SH3PXD2A: variants seen among roughly 807,000 people sequenced by gnomAD.
SH3PXD2A encodes SH3 and PX domain-containing protein 2A.
SH3PXD2A carries 32 observed loss-of-function variants against 115.2 expected under a neutral mutation model. That is an observed-to-expected ratio of 0.28 (90% CI 0.21 to 0.37). The LOEUF is 0.37. SH3PXD2A is among the 10% of genes least tolerant of loss of function. The pLI is 1.00. For synonymous variants in SH3PXD2A, 610 were observed against 629.1 expected (o/e 0.97, Z 0.45); for missense variants, 1,328 against 1,498.7 (o/e 0.89, Z 1.88).
intron 1 of SH3PXD2A, among the ~76,000 whole-genome samples, chr10:103,812,893 C>T (rs2039286006): frequency 6.6e-6 from 1 of 152,184 alleles, no homozygotes; most frequent in African/African-American, 2.4e-5. Context: ...AACTTGCATT[C>T]CCTTTGACTC....
intron 5 of SH3PXD2A, among the ~76,000 whole-genome samples, chr10:103,723,172 G>A (rs1015616910): frequency 4.6e-5 from 7 of 152,072 alleles, no homozygotes; most frequent in Non-Finnish European, 8.8e-5. Flanking sequence ...CTCCCCACCT[G>A]GCCCAGAGGG....
chr10:103,670,485 C>A, intron 6 of SH3PXD2A, among the ~76,000 whole-genome samples: 1 of 152,222 alleles, frequency 6.6e-6, no homozygotes, highest in Non-Finnish European at 1.5e-5. Context: ...CATAAGCCTG[C>A]CTCCCTGGGT....
At chr10:103,672,574 A>G (rs2037478620) in intron 6 of SH3PXD2A, among the ~76,000 whole-genome samples, 1 of 152,264 alleles carries the variant, frequency 6.6e-6, no homozygotes, top group African/African-American at 2.4e-5. Flanking sequence ...GATCTGGAGC[A>G]AGAATAAAAG....
rs145166928 is a variant in SH3PXD2A at position 103,708,313 on chromosome 10, C to T, written c.399-15257G>A. ...AAGCTGGGGTGGGTGGTGGTGGGGACTTCCTGACCTTCCCTGCGGCTGCCA... is the reference window on the plus strand; with the variant it reads ...AAGCTGGGGTGGGTGGTGGTGGGGATTTCCTGACCTTCCCTGCGGCTGCCA... On this transcript the variant is annotated intron_variant, in intron 5 of 14. Coordinates refer to ENST00000369774, the MANE Select transcript of SH3PXD2A (RefSeq NM_001394015.1). 4.9e-3 allele frequency among the ~76,000 whole-genome samples: 739 copies of T among 152,336 alleles called. 8 individuals are homozygous for T. Among genetic ancestry groups the T allele is most frequent in the African/African-American group, 0.016 (681 of 41,578 alleles).
intron 5 of SH3PXD2A, among the ~76,000 whole-genome samples, chr10:103,697,817 G>A (rs2134137767): frequency 6.6e-6 from 1 of 152,328 alleles, no homozygotes; most frequent in South Asian, 2.1e-4. Flanking sequence ...GGAGAGGCTG[G>A]TGGGGGCAGG....
At chr10:103,642,507 C>G (rs1292486995) in intron 8 of SH3PXD2A, among the ~76,000 whole-genome samples, 1 of 152,200 alleles carries the variant, frequency 6.6e-6, no homozygotes. Context: ...GTTGGGTGGA[C>G]TACAGCTTTA....
At position 103,622,439 on chromosome 10, in the gene SH3PXD2A, C is replaced by T. The variant is rs3781357; in HGVS notation, c.802+31G>A. On this transcript the variant is annotated intron_variant, in intron 10 of 14. Transcript: ENST00000369774. ...GTTAGCGAGAGACAGGCGGTCGCTG[C>T]GAGGGAGGAGAAGCCAGCTCCCGCA... 2.6e-5 allele frequency: 38 copies of T among 1,444,864 alleles called. No individual in the cohort carries two copies. The East Asian group carries it at 4.4e-4, about 17-fold the overall frequency. 89.5% of individuals were successfully genotyped at this position (1,444,864 alleles called of 1,614,324 possible). A position where few individuals can be genotyped will look rare whatever the true frequency, so the allele number is the denominator to read the frequency against.
chr10:103,646,739 A>G (rs2134012382), intron 8 of SH3PXD2A, among the ~76,000 whole-genome samples: 1 of 152,328 alleles, frequency 6.6e-6, no homozygotes, highest in South Asian at 2.1e-4. Flanking sequence ...ACAGCAGGAG[A>G]TAAAGGCTGG....
At chr10:103,713,283 C>T (rs1484851128) in intron 5 of SH3PXD2A, among the ~76,000 whole-genome samples, 3 of 152,292 alleles carry the variant, frequency 2.0e-5, no homozygotes, top group Admixed American at 2.0e-4. Flanking sequence ...ATTCCCACAG[C>T]CATCCAGCCC....
intron 1 of SH3PXD2A, among the ~76,000 whole-genome samples, chr10:103,822,171 AT>A (rs1279765919): frequency 2.6e-5 from 4 of 152,242 alleles, no homozygotes; most frequent in Non-Finnish European, 5.9e-5. Flanking sequence ...GATTACAGGC[AT>A]GAGCCACTGC....
intron 2 of SH3PXD2A, among the ~76,000 whole-genome samples, chr10:103,795,932 CAGGAAGGAAGGAAGGA>C (rs938972216): frequency 1.0e-5 from 1 of 98,262 alleles, no homozygotes; most frequent in Non-Finnish European, 2.2e-5. Context: ...GGAAGGAAGG[CAGGAAGGAAGGAAGGA>C]AGGAAGGAAA....
chr10:103,838,444 G>A (rs1010727967), intron 1 of SH3PXD2A, among the ~76,000 whole-genome samples: 1 of 152,166 alleles, frequency 6.6e-6, no homozygotes, highest in Non-Finnish European at 1.5e-5. Flanking sequence ...CTCACCCAAG[G>A]CCACACAGCA....
intron 1 of SH3PXD2A, among the ~76,000 whole-genome samples, chr10:103,817,502 G>A (rs1205006048): frequency 3.3e-5 from 5 of 152,118 alleles, no homozygotes; most frequent in Admixed American, 6.5e-5. Context: ...CACCACACCT[G>A]GCTAATTTTT....
At chr10:103,641,050 A>G (rs1430939769) in intron 8 of SH3PXD2A, among the ~76,000 whole-genome samples, 1 of 152,230 alleles carries the variant, frequency 6.6e-6, no homozygotes, top group Non-Finnish European at 1.5e-5. Context: ...CAGTACTGGC[A>G]GCACGATCTC....
intron 5 of SH3PXD2A, among the ~76,000 whole-genome samples, chr10:103,721,361 C>A (rs1254367970): frequency 6.6e-6 from 1 of 152,210 alleles, no homozygotes; most frequent in East Asian, 1.9e-4. Context: ...CAGAGCCTGG[C>A]CCCACAAAGC....
At chr10:103,672,173 T>C (rs563076030) in intron 6 of SH3PXD2A, among the ~76,000 whole-genome samples, 2 of 152,202 alleles carry the variant, frequency 1.3e-5, no homozygotes, top group Non-Finnish European at 2.9e-5. Flanking sequence ...TAATCCCAGC[T>C]ACTCGGAAGG....
At chr10:103,617,993 T>C (rs1321764026) in intron 10 of SH3PXD2A, among the ~76,000 whole-genome samples, 1 of 152,210 alleles carries the variant, frequency 6.6e-6, no homozygotes, top group Non-Finnish European at 1.5e-5. Context: ...CCAAATGAGC[T>C]TGGAAACACC....
At position 103,798,043 on chromosome 10, in the gene SH3PXD2A, G is replaced by A. The variant is rs189906515; in HGVS notation, c.153+3239C>T. 3.1e-3 allele frequency among the ~76,000 whole-genome samples: 466 copies of A among 152,324 alleles called. 3 individuals are homozygous for A. The highest frequency in any genetic ancestry group is 9.8e-3 in the African/African-American group (406 of 41,562). Reference sequence around the variant, plus strand: ...CGTGGTTCCCGGGCTGTGTGACACAGGTGGGAACCCGAGGCCGCCTCGTGG... The same window carrying A: ...CGTGGTTCCCGGGCTGTGTGACACAAGTGGGAACCCGAGGCCGCCTCGTGG... On this transcript the variant is annotated intron_variant, in intron 2 of 14. Coordinates refer to ENST00000369774, the MANE Select transcript of SH3PXD2A (RefSeq NM_001394015.1).
intron 2 of SH3PXD2A, among the ~76,000 whole-genome samples, chr10:103,772,667 G>A (rs188274019): frequency 6.6e-6 from 1 of 152,336 alleles, no homozygotes; most frequent in Non-Finnish European, 1.5e-5. Flanking sequence ...AGAGAAAGCT[G>A]ATTCGGCAGC....
Sources: gnomAD v4.1 joint callset for allele counts (sites outside exome capture counted in the v4.1 genomes callset) on GRCh38, gnomAD v4.1.1 for gene constraint, MANE v1.5 for transcripts, NCBI Gene and HGNC (gene_info 2026-07-23, HGNC 2026-07-21) for gene names.